PLAC8L1: variants seen among roughly 807,000 people sequenced by gnomAD.
The protein encoded by PLAC8L1 is PLAC8-like protein 1.
In PLAC8L1, 13 loss-of-function variants were observed where a neutral mutation model predicts 16.3. That is an observed-to-expected ratio of 0.80 (90% CI 0.52 to 1.27). The LOEUF is 1.27. Among genes scored for constraint, PLAC8L1 ranks in the 50% most tolerant of loss-of-function variants. The probability of loss-of-function intolerance (pLI) is 0.00; values close to 1 mark genes in which losing one functional copy is unlikely to be tolerated. For missense variants in PLAC8L1, 184 were observed against 220.2 expected, an observed-to-expected ratio of 0.84 and a Z score of 1.04; for synonymous variants, 78 against 79.3, an observed-to-expected ratio of 0.98 and a Z score of 0.09.
intron 1 of PLAC8L1, chr5:146,103,616 G>A: frequency 1.1e-6 from 1 of 951,758 alleles, no homozygotes; most frequent in Non-Finnish European, 1.3e-6. Flanking sequence ...ACCCTCAGAA[G>A]GTGAGGGAGG....
At chr5:146,100,141 C>G (rs925285944) in intron 1 of PLAC8L1, among the ~76,000 whole-genome samples, 7 of 152,046 alleles carry the variant, frequency 4.6e-5, no homozygotes, top group African/African-American at 1.7e-4. Context: ...CTCCCACTAG[C>G]TAGGTGGCGA....
intron 1 of PLAC8L1, among the ~76,000 whole-genome samples, chr5:146,100,687 G>GA (rs916464281): frequency 4.6e-5 from 7 of 152,114 alleles, no homozygotes; most frequent in African/African-American, 1.7e-4. Flanking sequence ...GTATTGTACA[G>GA]AAAAATATAT....
In PLAC8L1 at chr5:146,094,718, T is replaced by C. The variant is rs552115865; in HGVS notation, c.256+3438A>G. On this transcript the variant is annotated intron_variant, in intron 2 of 3. Transcript: ENST00000311450. ...TTGCTAATCCCAGTGCAGTGTGAAT[T>C]CAGATGAAAGCACAGAGGTGGGAAG... is the stretch of plus-strand genomic sequence containing the variant. Among the ~76,000 whole-genome samples, 35 of 152,288 alleles carry C rather than the reference T, an allele frequency of 2.3e-4. No individual in the cohort carries two copies. The South Asian group carries it at 4.4e-3, about 19-fold the overall frequency.
chr5:146,103,861 A>G, intron 1 of PLAC8L1: 1 of 985,376 alleles, frequency 1.0e-6, no homozygotes, highest in Non-Finnish European at 1.2e-6. Flanking sequence ...ATTATTTCAA[A>G]CTCAGCTGAA....
Position 146,085,827 on chromosome 5 carries a change from A to G in PLAC8L1, c.257-230T>C, listed in dbSNP as rs545281849. Among the ~76,000 whole-genome samples the G allele has an allele frequency of 2.0e-5, 3 of 152,340 alleles. No homozygotes were observed. The South Asian group carries it at 6.2e-4, about 32-fold the overall frequency. ...AAACACTGGCAAAGATGAACCTGAT[A>G]CAATTCTGTTAGCATTGACTATGGT... On this transcript the variant is annotated intron_variant, in intron 2 of 3. Transcript: ENST00000311450.
intron 2 of PLAC8L1, among the ~76,000 whole-genome samples, chr5:146,094,236 C>A (rs2150035868): frequency 6.6e-6 from 1 of 152,286 alleles, no homozygotes; most frequent in South Asian, 2.1e-4. Flanking sequence ...GCATGTACCA[C>A]CATGCCCAGC....
chr5:146,090,775 G>A (rs990707072), intron 2 of PLAC8L1, among the ~76,000 whole-genome samples: 6 of 152,042 alleles, frequency 3.9e-5, no homozygotes, highest in South Asian at 4.2e-4. Context: ...TTGTCAGGCC[G>A]GGCGCAGTAG....
At chr5:146,095,685 T>A (rs1031839601) in intron 2 of PLAC8L1, among the ~76,000 whole-genome samples, 1 of 152,188 alleles carries the variant, frequency 6.6e-6, no homozygotes, top group African/African-American at 2.4e-5. Flanking sequence ...TAGGAAATTA[T>A]CCCTTCCTTA....
intron 2 of PLAC8L1, 114 bp downstream of exon 2, chr5:146,098,042 G>T: frequency 7.9e-7 from 1 of 1,267,896 alleles, no homozygotes; most frequent in Non-Finnish European, 1.1e-6. Flanking sequence ...GATTAGTCCA[G>T]TTATTCTGAA....
At chr5:146,098,521 C>T (rs939094624) in intron 1 of PLAC8L1, among the ~76,000 whole-genome samples, 1 of 152,188 alleles carries the variant, frequency 6.6e-6, no homozygotes, top group Non-Finnish European at 1.5e-5. Flanking sequence ...TCCTGACACA[C>T]AAATTCAAGC....
chr5:146,096,630 T>C (rs1337780858), intron 2 of PLAC8L1, among the ~76,000 whole-genome samples: 4 of 152,070 alleles, frequency 2.6e-5, no homozygotes, highest in Non-Finnish European at 5.9e-5. Flanking sequence ...TCCTAACCAC[T>C]ACACCATATT....
intron 2 of PLAC8L1, among the ~76,000 whole-genome samples, chr5:146,095,987 G>A (rs969541642): frequency 2.0e-5 from 3 of 152,150 alleles, no homozygotes; most frequent in African/African-American, 7.2e-5. Context: ...GTTTCCTAGG[G>A]CTGCCATAGC....
intron 2 of PLAC8L1, among the ~76,000 whole-genome samples, chr5:146,095,678 G>A (rs548071970): frequency 3.9e-5 from 6 of 152,090 alleles, no homozygotes; most frequent in African/African-American, 1.4e-4. Flanking sequence ...GTAAATTTAG[G>A]AAATTATCCC....
chr5:146,084,321 A>G lies in PLAC8L1; in HGVS notation c.*111T>C, dbSNP rs188941024. 2.2e-4 allele frequency: 296 copies of G among 1,331,520 alleles called. No homozygotes were observed. Among genetic ancestry groups the G allele is most frequent in the Non-Finnish European group, 1.6e-4 (159 of 966,980 alleles). 82.5% of individuals were successfully genotyped at this position (1,331,520 alleles called of 1,614,324 possible). ...AAGAACAGTAGAGACAGTAGGGGGG[A>G]AATCATTTATTTTCATACCATTTCA... On this transcript the variant is annotated 3_prime_UTR_variant, in exon 4 of 4. Coordinates refer to ENST00000311450, the MANE Select transcript of PLAC8L1 (RefSeq NM_001029869.3).
chr5:146,085,687 A>C, intron 2 of PLAC8L1, 90 bp from the exon 3 acceptor site: 1 of 1,384,622 alleles, frequency 7.2e-7, no homozygotes, highest in South Asian at 1.5e-5. Flanking sequence ...TTATGCCACC[A>C]GTTTAATGCT....
chr5:146,097,200 T>G (rs1180096189), intron 2 of PLAC8L1, among the ~76,000 whole-genome samples: 3 of 152,112 alleles, frequency 2.0e-5, no homozygotes, highest in Non-Finnish European at 4.4e-5. Context: ...CAAAGATGGG[T>G]CAGAATGTCC....
intron 3 of PLAC8L1, among the ~76,000 whole-genome samples, chr5:146,085,243 C>A (rs1763489364): frequency 6.6e-6 from 1 of 152,190 alleles, no homozygotes; most frequent in Non-Finnish European, 1.5e-5. Context: ...CATGGCAAAA[C>A]CCCATCTCTA....
intron 1 of PLAC8L1, among the ~76,000 whole-genome samples, chr5:146,100,662 T>C (rs1236443918): frequency 2.6e-5 from 4 of 152,270 alleles, no homozygotes; most frequent in South Asian, 2.1e-4. Context: ...AACAAAATTA[T>C]AAAAATTATT....
chr5:146,097,042 T>C (rs577160037), intron 2 of PLAC8L1, among the ~76,000 whole-genome samples: 14 of 152,302 alleles, frequency 9.2e-5, no homozygotes, highest in African/African-American at 3.1e-4. Flanking sequence ...AAAAATATTT[T>C]ACCCAGGGTC....
Sources: allele counts gnomAD v4.1 joint callset (sites outside exome capture counted in the v4.1 genomes callset), GRCh38; gene constraint gnomAD v4.1.1; transcripts MANE v1.5; gene names NCBI Gene and HGNC (gene_info 2026-07-23, HGNC 2026-07-21).